The following CASK variants were observed in gnomAD, a reference collection of about 807,000 sequenced individuals.
The protein encoded by CASK is peripheral plasma membrane protein CASK.
Under a neutral mutation model 82.9 loss-of-function variants are expected in CASK, and 4 were observed. That is an observed-to-expected ratio of 0.05 (90% CI 0.02 to 0.11). The LOEUF is 0.11. CASK is among the 10% of genes least tolerant of loss of function. The pLI is 1.00. For synonymous variants in CASK, 259 were observed against 253.5 expected, an observed-to-expected ratio of 1.02 and a Z score of -0.20; for missense variants, 358 against 720.9, an observed-to-expected ratio of 0.50 and a Z score of 5.76.
intron 3 of CASK, among the ~76,000 whole-genome samples, chrX:41,760,337 A>G (rs1236330788): frequency 8.9e-6 from 1 of 111,821 alleles, no homozygotes; most frequent in Non-Finnish European, 1.9e-5. Flanking sequence ...TGGAAGTTTA[A>G]GAGACTTGCT....
At chrX:41,789,267 CTAACT>C (rs1290189410) in intron 2 of CASK, among the ~76,000 whole-genome samples, 1 of 111,756 alleles carries the variant, frequency 8.9e-6, no homozygotes, top group African/African-American at 3.3e-5. Flanking sequence ...AAGCTGACTG[CTAACT>C]TCTACAAATG....
intron 5 of CASK, among the ~76,000 whole-genome samples, chrX:41,704,846 G>A (rs1310136065): frequency 4.5e-5 from 5 of 112,295 alleles, no homozygotes; most frequent in Non-Finnish European, 9.4e-5. Context: ...CATTGGGTAA[G>A]CTCTATTTCC....
chrX:41,810,228 A>C (rs776515118), intron 2 of CASK, among the ~76,000 whole-genome samples: 1 of 111,976 alleles, frequency 8.9e-6, no homozygotes, highest in Non-Finnish European at 1.9e-5. Context: ...AAATTCAGGA[A>C]ATACAGAGAC....
chrX:41,844,861 A>G (rs747810706), intron 2 of CASK, among the ~76,000 whole-genome samples: 1 of 111,827 alleles, frequency 8.9e-6, no homozygotes, highest in East Asian at 2.8e-4. Context: ...CTTTTGCTGC[A>G]TCTCATAAAT....
At chrX:41,854,505 G>T (rs1417091702) in intron 1 of CASK, among the ~76,000 whole-genome samples, 1 of 112,181 alleles carries the variant, frequency 8.9e-6, no homozygotes, top group Non-Finnish European at 1.9e-5. Flanking sequence ...ACCTTCATTC[G>T]CTTATTACAG....
intron 16 of CASK, among the ~76,000 whole-genome samples, chrX:41,565,650 C>A (rs1232982066): frequency 9.0e-6 from 1 of 111,521 alleles, no homozygotes; most frequent in East Asian, 2.8e-4. Flanking sequence ...CGAATTCTAC[C>A]GGAGGTACAA....
intron 2 of CASK, among the ~76,000 whole-genome samples, chrX:41,822,576 A>G (rs1276151136): frequency 2.1e-3 from 223 of 108,046 alleles, no homozygotes; most frequent in African/African-American, 6.9e-3. Context: ...AAAAAAAAAA[A>G]AAAAAAGAAA....
chrX:41,888,729 ATG>A (rs1426601100), intron 1 of CASK, among the ~76,000 whole-genome samples: 4 of 103,354 alleles, frequency 3.9e-5, no homozygotes, highest in Non-Finnish European at 5.9e-5. Flanking sequence ...ATGTGAATAT[ATG>A]TATATATATA....
intron 5 of CASK, among the ~76,000 whole-genome samples, chrX:41,721,020 C>T (rs1346694767): frequency 1.8e-5 from 2 of 111,805 alleles, no homozygotes; most frequent in African/African-American, 3.3e-5. Flanking sequence ...AACTCTAACA[C>T]CTCAAGGAAG....
intron 5 of CASK, among the ~76,000 whole-genome samples, chrX:41,731,827 T>C (rs1195182572): frequency 9.0e-6 from 1 of 111,106 alleles, no homozygotes; most frequent in Admixed American, 9.6e-5. Context: ...AGTACAGTGG[T>C]GATCATAGCT....
intron 1 of CASK, among the ~76,000 whole-genome samples, chrX:41,868,152 G>A (rs771273689): frequency 1.1e-4 from 12 of 111,384 alleles, no homozygotes; most frequent in Non-Finnish European, 2.1e-4. Flanking sequence ...AAACATTTTG[G>A]CCAATGACTG....
intron 15 of CASK, among the ~76,000 whole-genome samples, chrX:41,576,430 C>T (rs1054402466): frequency 9.0e-6 from 1 of 110,882 alleles, no homozygotes; most frequent in Non-Finnish European, 1.9e-5. Flanking sequence ...AACATCACAC[C>T]TTCCTGCCTC....
chrX:41,849,433 T>TA (rs1188774061), intron 2 of CASK, among the ~76,000 whole-genome samples: 2 of 111,647 alleles, frequency 1.8e-5, no homozygotes, highest in African/African-American at 3.3e-5. Context: ...TATGTAAGTA[T>TA]AAAAAATCCC....
At chrX:41,879,304 CTG>C (rs1320293940) in intron 1 of CASK, among the ~76,000 whole-genome samples, 2 of 111,639 alleles carry the variant, frequency 1.8e-5, no homozygotes, top group Non-Finnish European at 3.8e-5. Context: ...ATGCCTGAAA[CTG>C]TGGATAGCAC....
chrX:41,799,613 G>A (rs1398257154), intron 2 of CASK, among the ~76,000 whole-genome samples: 8 of 108,576 alleles, frequency 7.4e-5, no homozygotes, highest in African/African-American at 2.7e-4. Flanking sequence ...AAGGAGCTCA[G>A]GGATATCTCT....
At chrX:41,535,769 G>A (rs1226700321) in intron 22 of CASK, among the ~76,000 whole-genome samples, 1 of 111,862 alleles carries the variant, frequency 8.9e-6, no homozygotes, top group Non-Finnish European at 1.9e-5. Flanking sequence ...ACTACAGACT[G>A]AGGAGAAATA....
chrX:41,715,806 C>G (rs774757147), intron 5 of CASK, among the ~76,000 whole-genome samples: 1 of 111,394 alleles, frequency 9.0e-6, no homozygotes, highest in Admixed American at 9.5e-5. Flanking sequence ...CACAAAATGC[C>G]AATAAAAACT....
intron 3 of CASK, among the ~76,000 whole-genome samples, chrX:41,755,547 C>T (rs1204763574): frequency 8.9e-6 from 1 of 111,924 alleles, no homozygotes; most frequent in Non-Finnish European, 1.9e-5. Flanking sequence ...GATTAAAAAA[C>T]TTAAAAAACT....
At chrX:41,699,250 C>T (rs1003772337) in intron 5 of CASK, among the ~76,000 whole-genome samples, 1 of 110,693 alleles carries the variant, frequency 9.0e-6, no homozygotes, top group Non-Finnish European at 1.9e-5. Context: ...AATAAGTGCC[C>T]GCAAATATAA....
Sources: allele counts gnomAD v4.1 joint callset (sites outside exome capture counted in the v4.1 genomes callset), GRCh38; gene constraint gnomAD v4.1.1; transcripts MANE v1.5; gene names NCBI Gene and HGNC (gene_info 2026-07-23, HGNC 2026-07-21).